The following PEX5L variants were observed in gnomAD, a reference collection of about 807,000 sequenced individuals.
The protein encoded by PEX5L is peroxisomal biogenesis factor 5 like.
PEX5L carries 30 observed loss-of-function variants against 84.0 expected under a neutral mutation model. The ratio of observed to expected loss-of-function variants is 0.36; its 90% CI spans 0.27 to 0.48. The LOEUF is 0.48. Among genes scored for constraint, PEX5L ranks in the 20% least tolerant of loss-of-function variants. The pLI, the probability that PEX5L is intolerant of heterozygous loss-of-function variation, is 0.99. For synonymous variants in PEX5L, 270 were observed against 283.1 expected, an observed-to-expected ratio of 0.95 and a Z score of 0.46; for missense variants, 533 against 754.6, an observed-to-expected ratio of 0.71 and a Z score of 3.44.
intron 2 of PEX5L, among the ~76,000 whole-genome samples, chr3:179,925,353 T>C (rs1771124560): frequency 1.7e-5 from 2 of 118,428 alleles, no homozygotes; most frequent in African/African-American, 6.6e-5. Flanking sequence ...ACACTGTGGT[T>C]AGTTTTTTTT....
intron 11 of PEX5L, among the ~76,000 whole-genome samples, chr3:179,811,259 G>A (rs896404084): frequency 2.7e-5 from 4 of 150,400 alleles, no homozygotes; most frequent in Non-Finnish European, 4.4e-5. Flanking sequence ...ATATGTATAC[G>A]CACACATATA....
At chr3:179,841,470 C>G (rs1479528055) in intron 8 of PEX5L, among the ~76,000 whole-genome samples, 2 of 152,138 alleles carry the variant, frequency 1.3e-5, no homozygotes, top group African/African-American at 2.4e-5. Context: ...ACTTGTGTTA[C>G]AGTACTTAAT....
At chr3:179,892,348 C>T (rs1219372958) in intron 3 of PEX5L, among the ~76,000 whole-genome samples, 1 of 152,136 alleles carries the variant, frequency 6.6e-6, no homozygotes. Flanking sequence ...TAGTGCCAAC[C>T]ATTGAGTGCC....
intron 1 of PEX5L, among the ~76,000 whole-genome samples, chr3:180,027,709 T>C (rs1272551256): frequency 6.6e-6 from 1 of 152,156 alleles, no homozygotes; most frequent in East Asian, 1.9e-4. Flanking sequence ...GTGCCAAGGG[T>C]GTCCTTATAG....
At chr3:180,026,698 A>G (rs941559465) in intron 1 of PEX5L, among the ~76,000 whole-genome samples, 4 of 152,288 alleles carry the variant, frequency 2.6e-5, no homozygotes, top group Admixed American at 2.0e-4. Context: ...CCTGTCTCTA[A>G]TGGCAGGTAG....
intron 2 of PEX5L, among the ~76,000 whole-genome samples, chr3:179,949,497 T>G (rs1481219415): frequency 6.6e-6 from 1 of 152,222 alleles, no homozygotes; most frequent in Non-Finnish European, 1.5e-5. Flanking sequence ...ACCAAGCAAC[T>G]GCTCCCTTTA....
Position 179,801,711 on chromosome 3 carries a change from T to C in PEX5L, c.*117A>G, listed in dbSNP as rs1245465655. 2.6e-6 allele frequency: 2 copies of C among 764,262 alleles called. No individual in the cohort carries two copies. The highest frequency in any genetic ancestry group is 2.2e-6 in the Non-Finnish European group (1 of 445,214). 47.3% of individuals were successfully genotyped at this position (764,262 alleles called of 1,614,324 possible). A position where few individuals can be genotyped will look rare whatever the true frequency, so the allele number is the denominator to read the frequency against. ...CAGGAATTAATTTCCTTGGGCTATA[T>C]GACCATGGCCTTTTGAATATTTGAT... On this transcript the variant is annotated 3_prime_UTR_variant, in exon 15 of 15. Transcript: ENST00000467460.
intron 7 of PEX5L, among the ~76,000 whole-genome samples, chr3:179,869,088 T>C (rs1000154726): frequency 1.3e-5 from 2 of 152,218 alleles, no homozygotes; most frequent in Admixed American, 6.5e-5. Context: ...AAGCATTTGC[T>C]GTGCCAAAGT....
At chr3:179,863,071 A>G (rs1177940346) in intron 7 of PEX5L, among the ~76,000 whole-genome samples, 1 of 152,240 alleles carries the variant, frequency 6.6e-6, no homozygotes, top group Non-Finnish European at 1.5e-5. Flanking sequence ...AAAGTTGCCA[A>G]GAATACACAA....
chr3:179,865,641 C>T (rs1009209466), intron 7 of PEX5L, among the ~76,000 whole-genome samples: 2 of 151,950 alleles, frequency 1.3e-5, no homozygotes, highest in African/African-American at 2.4e-5. Context: ...AACAACTACA[C>T]GTTACACTTA....
chr3:179,906,878 A>G (rs1031956024), intron 2 of PEX5L, among the ~76,000 whole-genome samples: 1 of 150,082 alleles, frequency 6.7e-6, no homozygotes, highest in Non-Finnish European at 1.5e-5. Context: ...AGAGAAAGTA[A>G]AGCATGAGAA....
chr3:179,836,111 T>C (rs1300882625), intron 8 of PEX5L, among the ~76,000 whole-genome samples: 1 of 152,200 alleles, frequency 6.6e-6, no homozygotes, highest in East Asian at 1.9e-4. Context: ...GGTTTTCCCC[T>C]TACATTTACA....
chr3:179,933,589 G>T (rs980884485), intron 2 of PEX5L, among the ~76,000 whole-genome samples: 1 of 152,112 alleles, frequency 6.6e-6, no homozygotes, highest in Non-Finnish European at 1.5e-5. Flanking sequence ...AAATACAAAT[G>T]GAATTTTAAC....
intron 8 of PEX5L, among the ~76,000 whole-genome samples, chr3:179,835,400 T>G (rs890074297): frequency 6.6e-6 from 1 of 152,182 alleles, no homozygotes; most frequent in African/African-American, 2.4e-5. Flanking sequence ...CTTATATCAT[T>G]TGAATGTTCA....
chr3:180,003,701 A>G (rs1022817453), intron 1 of PEX5L, among the ~76,000 whole-genome samples: 2 of 152,172 alleles, frequency 1.3e-5, no homozygotes, highest in African/African-American at 4.8e-5. Flanking sequence ...AGAAAGTGTC[A>G]TGAGTTTAAT....
At position 179,840,164 on chromosome 3, in the gene PEX5L, TGTGTG is replaced by T. The variant is rs1560319396; in HGVS notation, c.822+18893_822+18897del. ...AAAACTATCGTCAAGTTGTTTTTTG[TGTGTG>T]TGTGTGTGTGTGTGTTTTTTTTTTT... On this transcript the variant is annotated intron_variant, in intron 8 of 14. Transcript: ENST00000467460. 4.6e-4 allele frequency among the ~76,000 whole-genome samples: 50 copies of T among 108,604 alleles called. 1 individual carries two copies. The highest frequency in any genetic ancestry group is 1.9e-3 in the African/African-American group (48 of 25,630). The allele number at this position is 108,604 out of a possible 152,430, so 71.2% of individuals were successfully genotyped here. A position where few individuals can be genotyped will look rare whatever the true frequency, so the allele number is the denominator to read the frequency against.
At chr3:179,856,344 T>C (rs565891561) in intron 8 of PEX5L, among the ~76,000 whole-genome samples, 7 of 151,844 alleles carry the variant, frequency 4.6e-5, no homozygotes, top group Non-Finnish European at 1.0e-4. Context: ...TGCTAGACAT[T>C]TTTAATAGTT....
rs1396023654 is a variant in PEX5L, at chr3:180,024,373, T to TATATATATATAC, written c.21+12205_21+12206insGTATATATATAT. Among the ~76,000 whole-genome samples, 168 of 78,968 alleles carry TATATATATATAC rather than the reference T, an allele frequency of 2.1e-3. 2 individuals are homozygous for TATATATATATAC. Among genetic ancestry groups the TATATATATATAC allele is most frequent in the South Asian group, 2.6e-3 (8 of 3,040 alleles). The allele number at this position is 78,968 out of a possible 152,430, so 51.8% of individuals were successfully genotyped here. A position where few individuals can be genotyped will look rare whatever the true frequency, so the allele number is the denominator to read the frequency against. ...ATATATATATATATATATATATATA[T>TATATATATATAC]ACACACACAAAAAAAAAAAAAATTA... On this transcript the variant is annotated intron_variant, in intron 1 of 14. Coordinates refer to ENST00000467460, the MANE Select transcript of PEX5L (RefSeq NM_016559.3).
In PEX5L at chr3:179,807,717, T is replaced by G. The variant is rs1721919613; in HGVS notation, c.1633A>C (p.Arg545=). 1.9e-6 allele frequency: 3 copies of G among 1,614,110 alleles called. No individual in the cohort carries two copies. Among genetic ancestry groups the G allele is most frequent in the Admixed American group, 3.3e-5 (2 of 60,012 alleles). ...LEIQPGFIRS[R]YNLGISCINL... is the part of the protein sequence containing the mutation. ...ATGCAGCTTATTCCTAGGTTGTATC[T>G]GGACCGGATGAATCCTGGCTGAATC... The change falls in exon 14 of 15, where the codon AGA becomes CGA. Residue 545 remains arginine, a synonymous_variant. Transcript: ENST00000467460.
Sources: allele counts gnomAD v4.1 joint callset (sites outside exome capture counted in the v4.1 genomes callset), GRCh38; gene constraint gnomAD v4.1.1; transcripts MANE v1.5; gene names NCBI Gene and HGNC (gene_info 2026-07-23, HGNC 2026-07-21).